The following GTSE1 variants were observed in gnomAD, a reference collection of about 807,000 sequenced individuals.
The protein encoded by GTSE1 is G2 and S-phase expressed 1.
In GTSE1, 52 loss-of-function variants were observed where a neutral mutation model predicts 60.5. The observed-to-expected ratio is 0.86, with a 90% CI of 0.69 to 1.08. The LOEUF (loss-of-function observed/expected upper bound fraction) is 1.08, where lower values mean the gene tolerates loss of function less well. GTSE1 is among the 50% of genes least tolerant of loss of function. GTSE1 has a pLI of 0.00. For missense variants in GTSE1, 937 were observed against 961.8 expected (o/e 0.97, Z 0.34); for synonymous variants, 368 against 386.5 (o/e 0.95, Z 0.56).
At position 46,297,470 on chromosome 22, in the gene GTSE1, A is replaced by G. The variant is rs1427387961; in HGVS notation, c.70A>G (p.Lys24Glu). 1 of 1,611,094 alleles carries G rather than the reference A, an allele frequency of 6.2e-7. No homozygotes were observed. The change falls in exon 2 of 12, where the codon AAG (lysine) becomes GAG (glutamate). Residue 24 changes from lysine to glutamate, a missense_variant. By Grantham distance (56) the Lys-to-Glu change is moderately conservative. Transcript: ENST00000454366. The surrounding 1 kb of genome is among the most constrained non-coding windows in gnomAD (Gnocchi z 4.9). ...RAGDVNMDDP[K>E]KEDILLLADE... ...AGGGGACGTGAACATGGATGACCCTAAGAAGGAAGGCAAGTCCTTGCTGCT... is the reference window on the plus strand; with the variant it reads ...AGGGGACGTGAACATGGATGACCCTGAGAAGGAAGGCAAGTCCTTGCTGCT...
At chr22:46,306,408 C>G (rs1178074196) in intron 2 of GTSE1, among the ~76,000 whole-genome samples, 2 of 152,112 alleles carry the variant, frequency 1.3e-5, no homozygotes, top group East Asian at 3.9e-4. Flanking sequence ...GTCTTGATCT[C>G]CTGACCTCGT....
At position 46,314,004 on chromosome 22, in the gene GTSE1, G is replaced by C; in HGVS notation, c.1042G>C (p.Val348Leu). 6.2e-7 allele frequency: 1 copy of C among 1,614,132 alleles called. No individual in the cohort carries two copies. Among genetic ancestry groups the C allele is most frequent in the Non-Finnish European group, 8.5e-7 (1 of 1,179,966 alleles). Residue 348 changes from valine to leucine, a missense_variant, in exon 6 of 12, where the codon GTG becomes CTG. By Grantham distance (32) the Val-to-Leu change is conservative (BLOSUM62 1). Coordinates refer to ENST00000454366, the MANE Select transcript of GTSE1 (RefSeq NM_016426.7). This position sits in a 1 kb window ranked among gnomAD's most constrained non-coding sequence, Gnocchi z 7.1. ...GASSACTSPA[V>L]GKAKSSEFAS... ...ATCCAGTGCGTGCACATCCCCAGCAGTGGGCAAAGGTGAGGCAGCCGGCAT... is the reference window on the plus strand; with the variant it reads ...ATCCAGTGCGTGCACATCCCCAGCACTGGGCAAAGGTGAGGCAGCCGGCAT...
At chr22:46,325,742 C>T (rs564527909) in intron 8 of GTSE1, among the ~76,000 whole-genome samples, 15 of 152,380 alleles carry the variant, frequency 9.8e-5, no homozygotes, top group African/African-American at 3.6e-4. Context: ...CTAATGCCAT[C>T]ACCTTGGGGG....
intron 4 of GTSE1, among the ~76,000 whole-genome samples, chr22:46,311,931 G>A (rs1302985167): frequency 1.3e-5 from 2 of 152,092 alleles, no homozygotes; most frequent in African/African-American, 2.4e-5. Flanking sequence ...TTTTTAATGA[G>A]GAAGCAAAAT....
At chr22:46,305,784 G>A (rs1052068624) in intron 2 of GTSE1, among the ~76,000 whole-genome samples, 2 of 151,536 alleles carry the variant, frequency 1.3e-5, no homozygotes, top group East Asian at 3.9e-4. Context: ...GCGCGCGCCT[G>A]TAATCCCAGC....
rs2077800358 is a variant in GTSE1, at chr22:46,319,537, A to T, written c.1432+3125A>T. Among the ~76,000 whole-genome samples the T allele has an allele frequency of 6.6e-6, 1 of 152,126 alleles. No individual in the cohort carries two copies. Among genetic ancestry groups the T allele is most frequent in the African/African-American group, 2.4e-5 (1 of 41,422 alleles). On this transcript the variant is annotated intron_variant, in intron 7 of 11. Coordinates refer to ENST00000454366, the MANE Select transcript of GTSE1 (RefSeq NM_016426.7). This position sits in a 1 kb window ranked among gnomAD's most constrained non-coding sequence, Gnocchi z 5.0. ...ATGTGACAGGAGGGCTGGAAGAGGC[A>T]GCGGGCAGAGTCCACGGCCCCATTT...
intron 6 of GTSE1, among the ~76,000 whole-genome samples, chr22:46,315,070 T>TG (rs2077771078): frequency 6.7e-6 from 1 of 149,102 alleles, no homozygotes; most frequent in Admixed American, 6.7e-5. Flanking sequence ...TGTGGGTTTT[T>TG]TTTTTTTGAG....
Position 46,308,679 on chromosome 22 carries a change from CT to C in GTSE1, c.499del (p.Tyr167ThrfsTer146). On this transcript the variant is annotated frameshift_variant, in exon 4 of 12. Transcript: ENST00000454366. LOFTEE classifies it high-confidence loss of function. ...CCACGTCTCTTAAAAGGGAGACATA[CT>C]ACCTGTCAGACAGCCCCTTGCTGGG... ...SPTSLKRETY[Y>X]LSDSPLLGPP... 6.2e-7 allele frequency: 1 copy of C among 1,614,008 alleles called. No homozygotes were observed. The highest frequency in any genetic ancestry group is 8.5e-7 in the Non-Finnish European group (1 of 1,180,036).
At chr22:46,327,398 G>C (rs755860956) in intron 9 of GTSE1, 1 of 152,094 alleles carries the variant, frequency 6.6e-6, no homozygotes, top group Non-Finnish European at 1.5e-5. Flanking sequence ...TCTTAGCCGG[G>C]CGCGGTGGCT....
chr22:46,313,907 C>G lies in GTSE1; in HGVS notation c.945C>G (p.Thr315=), dbSNP rs758677023. 1.2e-6 allele frequency: 2 copies of G among 1,614,154 alleles called. No individual in the cohort carries two copies. The highest frequency in any genetic ancestry group is 1.7e-6 in the Non-Finnish European group (2 of 1,179,984). ...PVPNKLGLKK[T]LLKAPGSTSN... ...TGCCCCAGTTGGGGCTGAAGAAGAC[C>G]CTGTTAAAAGCACCCGGCTCTACCA... Residue 315 remains threonine (T), a synonymous_variant, in exon 6 of 12, where the codon ACC becomes ACG. Transcript: ENST00000454366. This position sits in a 1 kb window ranked among gnomAD's most constrained non-coding sequence, Gnocchi z 4.4.
At chr22:46,311,998 T>C in intron 4 of GTSE1, 143 bp from the exon 5 acceptor site, 1 of 659,152 alleles carries the variant, frequency 1.5e-6, no homozygotes, top group Non-Finnish European at 2.7e-6. Context: ...CTTGCCCTGT[T>C]CCCTTCAATC....
At position 46,324,227 on chromosome 22, in the gene GTSE1, C is replaced by T. The variant is rs866194088; in HGVS notation, c.1505+965C>T. On this transcript the variant is annotated intron_variant, in intron 8 of 11. Transcript: ENST00000454366. This position sits in a 1 kb window ranked among gnomAD's most constrained non-coding sequence, Gnocchi z 5.2. ...GTGCTGCGCATGGTGCCATGCTAAG[C>T]TGCCGTCCCTCCCATGCATGGTGGT... 6.6e-6 allele frequency among the ~76,000 whole-genome samples: 1 copy of T among 152,214 alleles called. No individual in the cohort carries two copies. The highest frequency in any genetic ancestry group is 1.5e-5 in the Non-Finnish European group (1 of 68,042).
In GTSE1 at chr22:46,310,005, G is replaced by A. The variant is rs549724471; in HGVS notation, c.762+1062G>A. ...ATCGAAGTATCTCTTTTGATCTCCT[G>A]GTCCTGGGTGGTGAGCTGGGGTCCA... On this transcript the variant is annotated intron_variant, in intron 4 of 11. Transcript: ENST00000454366. The surrounding 1 kb of genome is among the most constrained non-coding windows in gnomAD (Gnocchi z 4.4). Among the ~76,000 whole-genome samples, 1 of 152,298 alleles carries A rather than the reference G, an allele frequency of 6.6e-6. No homozygotes were observed. The highest frequency in any genetic ancestry group is 2.1e-4 in the South Asian group (1 of 4,826).
At chr22:46,312,449 G>A in intron 5 of GTSE1, 144 bp downstream of exon 5, 1 of 735,676 alleles carries the variant, frequency 1.4e-6, no homozygotes, top group Non-Finnish European at 2.2e-6. Flanking sequence ...AGACCAGCCT[G>A]AGCAACATGA....
chr22:46,322,695 C>T (rs1569045727), intron 7 of GTSE1, among the ~76,000 whole-genome samples: 1 of 152,212 alleles, frequency 6.6e-6, no homozygotes, highest in Non-Finnish European at 1.5e-5. Context: ...TCAACTAAAA[C>T]AGCACAAACA....
rs1283092052 is a variant in GTSE1, at chr22:46,326,600, T to C, written c.1670T>C (p.Leu557Pro). Residue 557 changes from leucine to proline, a missense_variant, in exon 9 of 12, where the codon CTG becomes CCG. Physicochemically the swap from Leu to Pro is moderately conservative, Grantham distance 98. Transcript: ENST00000454366. ...KTMPRAVGSP[L>P]CVPARRRSSE... ...ATGCCCAGGGCCGTGGGCTCTCCCC[T>C]GTGTGTGCCAGCTCGGAGACGTTCC... 6.2e-7 allele frequency: 1 copy of C among 1,613,480 alleles called. No individual in the cohort carries two copies. Among genetic ancestry groups the C allele is most frequent in the Middle Eastern group, 1.6e-4 (1 of 6,062 alleles).
rs116753286 is a variant in GTSE1, at chr22:46,311,482, A to G, written c.763-659A>G. Among the ~76,000 whole-genome samples the G allele has an allele frequency of 6.9e-3, 1,046 of 152,350 alleles. 12 individuals are homozygous for G. The highest frequency in any genetic ancestry group is 0.024 in the African/African-American group (1,016 of 41,582). Reference sequence around the variant, plus strand: ...AAACCACTGAAGTATACTGTTTAAAATAGTGAATTTTATGTTATGAGAAGT... The same window carrying G: ...AAACCACTGAAGTATACTGTTTAAAGTAGTGAATTTTATGTTATGAGAAGT... On this transcript the variant is annotated intron_variant, in intron 4 of 11. Transcript: ENST00000454366.
rs746102975 is a variant in GTSE1 at position 46,328,671 on chromosome 22, T to G, written c.1725-17T>G. On this transcript the variant is annotated splice_polypyrimidine_tract_variant and intron_variant, in intron 9 of 11. Coordinates refer to ENST00000454366, the MANE Select transcript of GTSE1 (RefSeq NM_016426.7). ...ATTTTAGAGACATTTTCTCATAAGTTTTTTTCCTTCCCACAGAACTGAACC... is the reference window on the plus strand; with the variant it reads ...ATTTTAGAGACATTTTCTCATAAGTGTTTTTCCTTCCCACAGAACTGAACC... 5.6e-6 allele frequency: 9 copies of G among 1,594,466 alleles called. No homozygotes were observed. Among genetic ancestry groups the G allele is most frequent in the Non-Finnish European group, 7.7e-6 (9 of 1,163,368 alleles).
intron 2 of GTSE1, among the ~76,000 whole-genome samples, chr22:46,306,243 G>A (rs376025828): frequency 4.6e-5 from 7 of 151,832 alleles, no homozygotes; most frequent in African/African-American, 9.7e-5. Context: ...GTGCAGTGGC[G>A]CGATCTCTGC....
Sources: allele counts gnomAD v4.1 joint callset (sites outside exome capture counted in the v4.1 genomes callset), GRCh38; gene constraint gnomAD v4.1.1; non-coding constraint Gnocchi (gnomAD v3.1); transcripts MANE v1.5; gene names NCBI Gene and HGNC (gene_info 2026-07-23, HGNC 2026-07-21).